FCHO1: variants seen among roughly 807,000 people sequenced by gnomAD.
The protein encoded by FCHO1 is FCH and mu domain containing endocytic adaptor 1.
A neutral mutation model predicts 114.4 loss-of-function variants in FCHO1; 45 were observed. The observed-to-expected ratio is 0.39, with a 90% CI of 0.31 to 0.50. FCHO1 has a LOEUF of 0.50. FCHO1 is among the 20% of genes least tolerant of loss of function. FCHO1 has a pLI of 0.77. For synonymous variants in FCHO1, 480 were observed against 488.9 expected (o/e 0.98, Z 0.24); for missense variants, 1,042 against 1,209.6 (o/e 0.86, Z 2.06).
intron 4 of FCHO1, among the ~76,000 whole-genome samples, chr19:17,756,984 T>C (rs1373349940): frequency 6.6e-6 from 1 of 151,988 alleles, no homozygotes; most frequent in Non-Finnish European, 1.5e-5. Context: ...AGGTCAGGAA[T>C]TGGAGACCAG....
intron 8 of FCHO1, 54 bp from the exon 9 acceptor site, chr19:17,770,738 G>C (rs2091261789): frequency 6.3e-7 from 1 of 1,594,040 alleles, no homozygotes; most frequent in African/African-American, 1.3e-5. Context: ...GGGGCCTGGG[G>C]GAGGCCCCCT....
Position 17,776,010 on chromosome 19 carries a change from C to T in FCHO1, c.1031C>T (p.Ser344Phe), listed in dbSNP as rs1310508192. The T allele has an allele frequency of 6.2e-7, 1 of 1,608,882 alleles. No individual in the cohort carries two copies. The highest frequency in any genetic ancestry group is 1.1e-5 in the South Asian group (1 of 91,068). The change falls in exon 16 of 29, where the codon TCC (serine) becomes TTC (phenylalanine). Residue 344 changes from serine to phenylalanine, a missense_variant. This residue lies in a region of FCHO1 where 450 missense variants were observed against 564.1 expected (regional missense o/e 0.80). Coordinates refer to ENST00000596536, the MANE Select transcript of FCHO1 (RefSeq NM_015122.3). This position sits in a 1 kb window ranked among gnomAD's most constrained non-coding sequence, Gnocchi z 4.4. ...NSTAEPSRFS[S>F]SDSDFDDEEP... ...ACGGCCGAGCCCTCCCGTTTCTCGTCCAGCGACTCCGACTTCGACGATGAA... is the reference window on the plus strand; with the variant it reads ...ACGGCCGAGCCCTCCCGTTTCTCGTTCAGCGACTCCGACTTCGACGATGAA...
rs1472712039 is a variant in FCHO1, at chr19:17,751,663, C to T, written c.-183+86C>T. 6.6e-6 allele frequency: 1 copy of T among 152,434 alleles called. No individual in the cohort carries two copies. The highest frequency in any genetic ancestry group is 1.9e-4 in the East Asian group (1 of 5,200). 9.4% of individuals were successfully genotyped at this position (152,434 alleles called of 1,614,324 possible). A position where few individuals can be genotyped will look rare whatever the true frequency, so the allele number is the denominator to read the frequency against. ...GAGGGGAGGCCCCCCTGCCCGGAGC[C>T]TGGGTTTCAGGAGAAGTAGCAGGTG... is the stretch of plus-strand genomic sequence containing the variant. On this transcript the variant is annotated intron_variant, in intron 1 of 28. Transcript: ENST00000596536. This position sits in a 1 kb window ranked among gnomAD's most constrained non-coding sequence, Gnocchi z 4.4.
chr19:17,764,398 C>A lies in FCHO1; in HGVS notation c.143C>A (p.Ser48Ter). 6.2e-7 allele frequency: 1 copy of A among 1,613,674 alleles called. No homozygotes were observed. Among genetic ancestry groups the A allele is most frequent in the South Asian group, 1.1e-5 (1 of 91,066 alleles). The change falls in exon 6 of 29, where the codon TCG (serine) becomes TAG (stop). Residue 48 changes from serine to a stop codon, truncating the protein, a stop_gained. Coordinates refer to ENST00000596536, the MANE Select transcript of FCHO1 (RefSeq NM_015122.3). LOFTEE classifies it high-confidence loss of function. ...AGGGCCACCATCGAGGAGACCTACTCGAAGGCGATGGCGAAACTCTCCAAG... is the reference window on the plus strand; with the variant it reads ...AGGGCCACCATCGAGGAGACCTACTAGAAGGCGATGGCGAAACTCTCCAAG... Reference protein sequence around the residue: ...RERATIEETYSKAMAKLSKLA... With the variant: ...RERATIEETY
rs550951691 is a variant in FCHO1 at position 17,775,857 on chromosome 19, G to A, written c.1004-126G>A. The A allele has an allele frequency of 7.7e-5, 84 of 1,091,958 alleles. No homozygotes were observed. The Admixed American group carries it at 1.3e-3, about 17-fold the overall frequency. 67.6% of individuals were successfully genotyped at this position (1,091,958 alleles called of 1,614,324 possible). A position where few individuals can be genotyped will look rare whatever the true frequency, so the allele number is the denominator to read the frequency against. The stretch of plus-strand genomic sequence containing the variant: ...ACATGGTGTCAGGACTGAAGGTGGC[G>A]CGTGGTGAGCGATGGGATTGGGCAG... On this transcript the variant is annotated intron_variant, in intron 15 of 28. Transcript: ENST00000596536. The surrounding 1 kb of genome is among the most constrained non-coding windows in gnomAD (Gnocchi z 5.1).
rs768947238 is a variant in FCHO1 at position 17,778,507 on chromosome 19, G to GC, written c.1352-96dup. 8.8e-5 allele frequency: 121 copies of GC among 1,370,608 alleles called. 1 individual carries two copies. The highest frequency in any genetic ancestry group is 1.1e-4 in the Non-Finnish European group (116 of 1,034,274). 84.9% of individuals were successfully genotyped at this position (1,370,608 alleles called of 1,614,324 possible). ...GCGTGCACAAGGACTTTGAATGGGG[G>GC]CCCCCCTGACCTTCCCTCGACGTGG... On this transcript the variant is annotated intron_variant, in intron 19 of 28. Coordinates refer to ENST00000596536, the MANE Select transcript of FCHO1 (RefSeq NM_015122.3).
intron 4 of FCHO1, among the ~76,000 whole-genome samples, chr19:17,761,145 ATTTG>A (rs2085980117): frequency 6.6e-6 from 1 of 152,168 alleles, no homozygotes; most frequent in Non-Finnish European, 1.5e-5. Context: ...CAGCAGAATC[ATTTG>A]TTTATTTATT....
At position 17,784,964 on chromosome 19, in the gene FCHO1, C is replaced by G; in HGVS notation, c.2426+40C>G. On this transcript the variant is annotated intron_variant, in intron 26 of 28. Transcript: ENST00000596536. This position sits in a 1 kb window ranked among gnomAD's most constrained non-coding sequence, Gnocchi z 5.3. ...GAGGCCAAGGAAAACTCAGCAGTTT[C>G]CCCCATAACCCCAGACCTTCTCCCT... The G allele has an allele frequency of 6.3e-7, 1 of 1,585,982 alleles. No homozygotes were observed. The highest frequency in any genetic ancestry group is 8.6e-7 in the Non-Finnish European group (1 of 1,166,968).
intron 26 of FCHO1, among the ~76,000 whole-genome samples, chr19:17,786,193 C>T (rs796620416): frequency 3.3e-5 from 5 of 151,648 alleles, no homozygotes; most frequent in East Asian, 3.9e-4. Flanking sequence ...ATTAGCCAGG[C>T]GTGGTGGCGG....
In FCHO1 at chr19:17,784,093, G is replaced by A; in HGVS notation, c.2094-10G>A. 6.2e-7 allele frequency: 1 copy of A among 1,613,792 alleles called. No homozygotes were observed. Among genetic ancestry groups the A allele is most frequent in the Non-Finnish European group, 8.5e-7 (1 of 1,179,830 alleles). The stretch of plus-strand genomic sequence containing the variant: ...CCGAGGATTGGGGTGATCAGTCCGG[G>A]TCTCTGCAGTGACCCCTCCCAGAGT... On this transcript the variant is annotated splice_polypyrimidine_tract_variant and intron_variant, in intron 24 of 28. Transcript: ENST00000596536. The surrounding 1 kb of genome is among the most constrained non-coding windows in gnomAD (Gnocchi z 5.3).
In FCHO1 at chr19:17,775,180, C is replaced by T. The variant is rs529090923; in HGVS notation, c.945+100C>T. On this transcript the variant is annotated intron_variant, in intron 14 of 28. Coordinates refer to ENST00000596536, the MANE Select transcript of FCHO1 (RefSeq NM_015122.3). This position sits in a 1 kb window ranked among gnomAD's most constrained non-coding sequence, Gnocchi z 5.1. ...CGATCCCTACTGGAAACTAAAGAGC[C>T]GAGATTGAGGGGCGGGCTGGAGCCT... 1.8e-5 allele frequency: 24 copies of T among 1,367,986 alleles called. 1 individual carries two copies. Among genetic ancestry groups the T allele is most frequent in the Middle Eastern group, 1.9e-4 (1 of 5,396 alleles). The allele number at this position is 1,367,986 out of a possible 1,614,324, so 84.7% of individuals were successfully genotyped here.
upstream of FCHO1, among the ~76,000 whole-genome samples, chr19:17,748,252 C>T (rs1004488576): frequency 3.9e-5 from 6 of 152,146 alleles, no homozygotes; most frequent in Non-Finnish European, 8.8e-5. Context: ...GGGACCGAGA[C>T]GAGGGACCCC....
chr19:17,782,985 A>C, intron 23 of FCHO1, 32 bp from the exon 24 acceptor site: 1 of 1,609,998 alleles, frequency 6.2e-7, no homozygotes, highest in African/African-American at 1.3e-5. Flanking sequence ...GCAGAGCCCT[A>C]AGCCAACACC....
chr19:17,766,103 T>C (rs1197165136), intron 6 of FCHO1, among the ~76,000 whole-genome samples: 1 of 151,414 alleles, frequency 6.6e-6, no homozygotes, highest in Non-Finnish European at 1.5e-5. Context: ...TTAGCCAGGA[T>C]GCTCTCTCAA....
chr19:17,781,245 C>T lies in FCHO1; in HGVS notation c.1642C>T (p.Pro548Ser). ...CTCGCTCCTAGACCTGATGCCTGCA[C>T]CTGCTGACCCCACAGCCAGGGAGGG... ...ALAGGDLMPAPADPTAREGLA... is the reference protein window; with the variant it reads ...ALAGGDLMPASADPTAREGLA... The change falls in exon 21 of 29, where the codon CCT becomes TCT. Residue 548 changes from proline (P) to serine (S), a missense_variant. Around this residue, in one of 3 missense-constraint regions of FCHO1, gnomAD observed 455 missense variants for 455.4 expected, o/e 1.00. Coordinates refer to ENST00000596536, the MANE Select transcript of FCHO1 (RefSeq NM_015122.3). 2 of 1,613,294 alleles carry T rather than the reference C, an allele frequency of 1.2e-6. No individual in the cohort carries two copies. The highest frequency in any genetic ancestry group is 1.7e-6 in the Non-Finnish European group (2 of 1,179,538).
intron 9 of FCHO1, among the ~76,000 whole-genome samples, chr19:17,771,206 C>T (rs1253517519): frequency 1.3e-5 from 2 of 149,744 alleles, no homozygotes; most frequent in African/African-American, 2.5e-5. Context: ...GAGCCAAGAT[C>T]GAGCCATTGT....
At chr19:17,769,609 A>G (rs2090802617) in intron 7 of FCHO1, among the ~76,000 whole-genome samples, 1 of 151,726 alleles carries the variant, frequency 6.6e-6, no homozygotes, top group Non-Finnish European at 1.5e-5. Flanking sequence ...ACACACACAC[A>G]CACACACACA....
chr19:17,785,964 A>G (rs1278207471), intron 26 of FCHO1, among the ~76,000 whole-genome samples: 1 of 151,670 alleles, frequency 6.6e-6, no homozygotes, highest in African/African-American at 2.4e-5. Flanking sequence ...ACTGTCTCTT[A>G]AAAAACAAAA....
At chr19:17,761,027 G>C (rs1188430795) in intron 4 of FCHO1, among the ~76,000 whole-genome samples, 1 of 152,104 alleles carries the variant, frequency 6.6e-6, no homozygotes, top group African/African-American at 2.4e-5. Context: ...GTGCAGCCCT[G>C]GCCTCCCCCA....
Sources: allele counts gnomAD v4.1 joint callset (sites outside exome capture counted in the v4.1 genomes callset), GRCh38; gene constraint gnomAD v4.1.1; regional missense constraint gnomAD v4.1.1; non-coding constraint Gnocchi (gnomAD v3.1); transcripts MANE v1.5; gene names NCBI Gene and HGNC (gene_info 2026-07-23, HGNC 2026-07-21).